The following KLHL10 variants were observed in gnomAD, a reference collection of about 807,000 sequenced individuals.
The protein encoded by KLHL10 is kelch-like protein 10.
A neutral mutation model predicts 46.6 loss-of-function variants in KLHL10; 11 were observed. The observed-to-expected ratio is 0.24, with a 90% CI of 0.15 to 0.39. The LOEUF (loss-of-function observed/expected upper bound fraction) is 0.39. KLHL10 is among the 10% of genes least tolerant of loss of function. The pLI is 1.00. For missense variants in KLHL10, 475 were observed against 789.8 expected, an observed-to-expected ratio of 0.60 and a Z score of 4.78; for synonymous variants, 254 against 279.1, an observed-to-expected ratio of 0.91 and a Z score of 0.90.
chr17:41,848,235 G>C lies in KLHL10; in HGVS notation c.1755G>C (p.Arg585=), dbSNP rs1183910071. 2 of 1,613,788 alleles carry C rather than the reference G, an allele frequency of 1.2e-6. No individual in the cohort carries two copies. Among genetic ancestry groups the C allele is most frequent in the Non-Finnish European group, 1.7e-6 (2 of 1,179,940 alleles). The stretch of plus-strand genomic sequence containing the variant: ...ATGTTGAGGAATATGCAGCTAGACG[G>C]GACAACTTCCCAGGATTAGCACTGC... ...LANVEEYAAR[R]DNFPGLALRD... is the part of the protein sequence containing the mutation. The change falls in exon 5 of 5, where the codon CGG becomes CGC. Residue 585 remains arginine, a synonymous_variant. Transcript: ENST00000293303.
chr17:41,844,554 T>A (rs2048262730), intron 2 of KLHL10, among the ~76,000 whole-genome samples: 1 of 145,046 alleles, frequency 6.9e-6, no homozygotes, highest in Non-Finnish European at 1.5e-5. Context: ...TTTTTTTTTT[T>A]TTTTTTTTTT....
rs781822818 is a variant in KLHL10 at position 41,842,061 on chromosome 17, T to C, written c.433T>C (p.Cys145Arg). Reference sequence around the variant, plus strand: ...GTGCTTGGATAATTGTATCGGCATCTGTAAGTTCACGGACTACTACTACTG... The same window carrying C: ...GTGCTTGGATAATTGTATCGGCATCCGTAAGTTCACGGACTACTACTACTG... The part of the protein sequence containing the change: ...ELCLDNCIGI[C>R]KFTDYYYCPE... The change falls in exon 2 of 5, where the codon TGT (cysteine) becomes CGT (arginine). Residue 145 changes from cysteine (C) to arginine (R), a missense_variant. Coordinates refer to ENST00000293303, the MANE Select transcript of KLHL10 (RefSeq NM_152467.5). 15 of 1,614,166 alleles carry C rather than the reference T, an allele frequency of 9.3e-6. No individual in the cohort carries two copies. In the East Asian group the frequency reaches 2.7e-4, roughly 29 times the overall value.
At chr17:41,835,786 G>A (rs910463651), upstream of KLHL10, 191 of 1,388,878 alleles carry the variant, frequency 1.4e-4, no homozygotes, top group Non-Finnish European at 1.8e-4. Flanking sequence ...AGAGCAAAGC[G>A]GGAAGGCCCA....
In KLHL10 at chr17:41,845,191, A is replaced by G. The variant is rs1280762073; in HGVS notation, c.750A>G (p.Lys250=). The G allele has an allele frequency of 6.2e-7, 1 of 1,614,228 alleles. No homozygotes were observed. The highest frequency in any genetic ancestry group is 1.6e-4 in the Middle Eastern group (1 of 6,062). Residue 250 remains lysine (K), a synonymous_variant, in exon 3 of 5, where the codon AAA becomes AAG. Coordinates refer to ENST00000293303, the MANE Select transcript of KLHL10 (RefSeq NM_152467.5). ...ATGTTAAGATGAATGACTATGTCAAAGACAGTGAGGAATGCAAACCAGTCA... is the reference window on the plus strand; with the variant it reads ...ATGTTAAGATGAATGACTATGTCAAGGACAGTGAGGAATGCAAACCAGTCA... The part of the protein sequence containing the change: ...MNNVKMNDYV[K]DSEECKPVII...
At position 41,848,015 on chromosome 17, in the gene KLHL10, C is replaced by T. The variant is rs782504893; in HGVS notation, c.1535C>T (p.Thr512Ile). Residue 512 changes from threonine to isoleucine, a missense_variant, in exon 5 of 5, where the codon ACT (threonine) becomes ATT (isoleucine). Physicochemically the swap from Thr to Ile is moderately conservative, Grantham distance 89 (BLOSUM62 -1). Transcript: ENST00000293303. ...PVANTWRTIP[T>I]MFNPRSNFGI... ...GCTAACACTTGGCGCACAATCCCCA[C>T]TATGTTTAATCCTCGTAGCAATTTT... 1 of 1,614,228 alleles carries T rather than the reference C, an allele frequency of 6.2e-7. No homozygotes were observed. The highest frequency in any genetic ancestry group is 8.5e-7 in the Non-Finnish European group (1 of 1,180,038).
Position 41,837,895 on chromosome 17 carries a change from C to T in KLHL10, c.-38C>T. 1.2e-6 allele frequency: 2 copies of T among 1,611,908 alleles called. No homozygotes were observed. Among genetic ancestry groups the T allele is most frequent in the Non-Finnish European group, 1.7e-6 (2 of 1,179,770 alleles). ...GGCCCCCCACAACCCTCCCCGACAC[C>T]CTAGGAAAGCAGCCTCTCTCCGCTG... On this transcript the variant is annotated 5_prime_UTR_variant, in exon 1 of 5. Transcript: ENST00000293303.
upstream of KLHL10, chr17:41,836,369 G>A (rs1474594816): frequency 5.7e-6 from 7 of 1,225,526 alleles, no homozygotes; most frequent in South Asian, 2.5e-4. Context: ...TGGGCTTGCC[G>A]GTTGCGCTAG....
chr17:41,836,053 G>T (rs893507427), upstream of KLHL10: 48 of 1,405,540 alleles, frequency 3.4e-5, no homozygotes, highest in Non-Finnish European at 4.3e-5. Flanking sequence ...GGCGGGGCCG[G>T]GGTGCGCGAG....
chr17:41,843,831 G>C (rs1162508658), intron 2 of KLHL10, among the ~76,000 whole-genome samples: 1 of 150,786 alleles, frequency 6.6e-6, no homozygotes, highest in East Asian at 2.0e-4. Context: ...ATGCGATCGC[G>C]GCTCACTGCA....
chr17:41,836,364 T>C, upstream of KLHL10: 3 of 1,224,446 alleles, frequency 2.5e-6, no homozygotes, highest in South Asian at 1.3e-4. Context: ...CCGGGTGGGC[T>C]TGCCGGTTGC....
At position 41,845,229 on chromosome 17, in the gene KLHL10, T is replaced by C; in HGVS notation, c.788T>C (p.Leu263Pro). 6.2e-7 allele frequency: 1 copy of C among 1,614,214 alleles called. No homozygotes were observed. Among genetic ancestry groups the C allele is most frequent in the Middle Eastern group, 1.6e-4 (1 of 6,062 alleles). ...TGCAAACCAGTCATCATTAATGCCC[T>C]AAAGGCCATGTATGACCTCAACATG... The part of the protein sequence containing the change: ...EECKPVIINA[L>P]KAMYDLNMNG... Residue 263 changes from leucine to proline, a missense_variant, in exon 3 of 5, where the codon CTA becomes CCA. Physicochemically the swap from Leu to Pro is moderately conservative, Grantham distance 98 (BLOSUM62 -3). Transcript: ENST00000293303.
At chr17:41,840,992 C>T (rs1225217421) in intron 1 of KLHL10, among the ~76,000 whole-genome samples, 1 of 151,704 alleles carries the variant, frequency 6.6e-6, no homozygotes, top group Non-Finnish European at 1.5e-5. Flanking sequence ...ATACAAAAAT[C>T]AGTTGAGCGT....
chr17:41,837,038 G>A (rs782124842), upstream of KLHL10, among the ~76,000 whole-genome samples: 1 of 152,204 alleles, frequency 6.6e-6, no homozygotes, highest in Non-Finnish European at 1.5e-5. Context: ...CGGAGCACTT[G>A]TAATCCCAGC....
At chr17:41,841,199 C>T (rs1467014907) in intron 1 of KLHL10, among the ~76,000 whole-genome samples, 2 of 151,974 alleles carry the variant, frequency 1.3e-5, no homozygotes, top group African/African-American at 4.8e-5. Context: ...CATTCCTGTT[C>T]TCATGAAGTT....
At chr17:41,838,384 C>G (rs2048191283) in intron 1 of KLHL10, among the ~76,000 whole-genome samples, 1 of 152,120 alleles carries the variant, frequency 6.6e-6, no homozygotes, top group Admixed American at 6.5e-5. Flanking sequence ...ACTCCAGCCT[C>G]CCAAGTAGCT....
Position 41,845,659 on chromosome 17 carries a change from T to A in KLHL10, c.1218T>A (p.Tyr406Ter). The A allele has an allele frequency of 1.2e-6, 2 of 1,612,242 alleles. No individual in the cohort carries two copies. Among genetic ancestry groups the A allele is most frequent in the South Asian group, 2.2e-5 (2 of 90,962 alleles). The change falls in exon 3 of 5, where the codon TAT becomes TAA. Residue 406 changes from tyrosine (Y) to a stop codon, truncating the protein, a stop_gained. Coordinates refer to ENST00000293303, the MANE Select transcript of KLHL10 (RefSeq NM_152467.5). LOFTEE classifies it high-confidence loss of function. The part of the protein sequence containing the change: ...GYVRLNTAER[Y>*]EPETNQWTLI... ...TGCGTCTAAACACTGCTGAACGTTA[T>A]GAGCCAGAGACCAATCAATGGACAC... is the stretch of plus-strand genomic sequence containing the variant.
intron 1 of KLHL10, among the ~76,000 whole-genome samples, chr17:41,839,551 T>C (rs572034476): frequency 6.0e-4 from 91 of 151,902 alleles, no homozygotes; most frequent in Admixed American, 1.1e-3. Context: ...AAAAAGGGAG[T>C]TTGGGCTAAA....
rs781985396 is a variant in KLHL10, at chr17:41,838,022, C to T, written c.90C>T (p.Asn30=). The T allele has an allele frequency of 9.3e-6, 15 of 1,613,964 alleles. No homozygotes were observed. The African/African-American group carries it at 9.3e-5, about 10-fold the overall frequency. ...KMSAMACEIF[N]ELRLEGKLCD... is the part of the protein sequence containing the mutation. ...GTGCGATGGCCTGTGAGATCTTCAACGAGCTTAGACTAGAGGGCAAGCTCT... is the reference window on the plus strand; with the variant it reads ...GTGCGATGGCCTGTGAGATCTTCAATGAGCTTAGACTAGAGGGCAAGCTCT... The change falls in exon 1 of 5, where the codon AAC becomes AAT. Residue 30 remains asparagine (N), a synonymous_variant. Transcript: ENST00000293303.
At chr17:41,842,346 G>A in intron 2 of KLHL10, 34 bp downstream of exon 2, 1 of 1,612,764 alleles carries the variant, frequency 6.2e-7, no homozygotes, top group Non-Finnish European at 8.5e-7. Flanking sequence ...TTATCACAGA[G>A]AGATTGTCCT....
Sources: allele counts gnomAD v4.1 joint callset (sites outside exome capture counted in the v4.1 genomes callset), GRCh38; gene constraint gnomAD v4.1.1; transcripts MANE v1.5; gene names NCBI Gene and HGNC (gene_info 2026-07-23, HGNC 2026-07-21).